GPD2: variants seen among roughly 807,000 people sequenced by gnomAD.
GPD2 encodes glycerol-3-phosphate dehydrogenase 2.
Under a neutral mutation model 82.4 loss-of-function variants are expected in GPD2, and 54 were observed. The observed-to-expected ratio is 0.66, with a 90% CI of 0.53 to 0.82. The LOEUF (loss-of-function observed/expected upper bound fraction) is 0.82, where lower values mean the gene tolerates loss of function less well. GPD2 is among the 40% of genes least tolerant of loss of function. The probability of loss-of-function intolerance (pLI) is 0.00; values close to 1 mark genes in which losing one functional copy is unlikely to be tolerated. For missense variants in GPD2, 748 were observed against 896.2 expected, an observed-to-expected ratio of 0.83 and a Z score of 2.11; for synonymous variants, 288 against 306.1, an observed-to-expected ratio of 0.94 and a Z score of 0.62.
the GPD2 span, among the ~76,000 whole-genome samples, chr2:156,420,380 C>T: frequency 1.3e-5 from 2 of 151,986 alleles, no homozygotes; most frequent in African/African-American, 2.4e-5. Context: ...ACTCTGTTAG[C>T]CAGGATGGTC....
At chr2:156,542,797 C>G (rs1025406982) in intron 6 of GPD2, among the ~76,000 whole-genome samples, 2 of 152,140 alleles carry the variant, frequency 1.3e-5, no homozygotes, top group Non-Finnish European at 2.9e-5. Flanking sequence ...CTGTAACTGC[C>G]TGTCCAAAAT....
At chr2:156,477,461 C>A (rs1341050611) in intron 2 of GPD2, among the ~76,000 whole-genome samples, 1 of 151,976 alleles carries the variant, frequency 6.6e-6, no homozygotes, top group Non-Finnish European at 1.5e-5. Flanking sequence ...TAAATAAAAT[C>A]ACATATTAGG....
chr2:156,539,763 A>T (rs1216625527), intron 6 of GPD2, among the ~76,000 whole-genome samples: 1 of 152,250 alleles, frequency 6.6e-6, no homozygotes, highest in African/African-American at 2.4e-5. Flanking sequence ...ACTGAAAAAA[A>T]TGGTTCTGTG....
intron 1 of GPD2, among the ~76,000 whole-genome samples, chr2:156,443,004 T>G (rs574958129): frequency 5.3e-5 from 8 of 152,134 alleles, no homozygotes; most frequent in Non-Finnish European, 1.2e-4. Context: ...GGTGCTGTCC[T>G]TATCTTCTCT....
intron 2 of GPD2, among the ~76,000 whole-genome samples, chr2:156,478,571 A>G (rs1367276865): frequency 6.6e-6 from 1 of 152,214 alleles, no homozygotes; most frequent in Non-Finnish European, 1.5e-5. Context: ...AGACATTGAC[A>G]TAAAATGACC....
At chr2:156,401,677 G>T in the GPD2 span, among the ~76,000 whole-genome samples, 1 of 152,154 alleles carries the variant, frequency 6.6e-6, no homozygotes. Flanking sequence ...TGGTAAATTG[G>T]AACTATGTGA....
chr2:156,439,524 A>C (rs1265114463), intron 1 of GPD2, among the ~76,000 whole-genome samples: 7 of 98,148 alleles, frequency 7.1e-5, no homozygotes, highest in African/African-American at 2.8e-4. Context: ...AAAAAAAAAA[A>C]AAAAAAAAAA....
Position 156,569,476 on chromosome 2 carries a change from G to A in GPD2, c.1414G>A (p.Gly472Ser), listed in dbSNP as rs372473707. 7 of 1,612,968 alleles carry A rather than the reference G, an allele frequency of 4.3e-6. No homozygotes were observed. The highest frequency in any genetic ancestry group is 2.2e-5 in the East Asian group (1 of 44,840). The change falls in exon 11 of 17, where the codon GGT (glycine) becomes AGT (serine). Residue 472 changes from glycine to serine, a missense_variant. By Grantham distance (56) the Gly-to-Ser change is moderately conservative. Coordinates refer to ENST00000438166, the MANE Select transcript of GPD2 (RefSeq NM_000408.5). Reference protein sequence around the residue: ...SRTVGLFLQGGKDWSPTLYIR... With the variant: ...SRTVGLFLQGSKDWSPTLYIR... ...AACAGTTGGGCTTTTCCTTCAAGGG[G>A]GTAAAGATTGGAGCCCCACACTCTA...
chr2:156,534,039 G>T (rs923885750), intron 6 of GPD2, among the ~76,000 whole-genome samples: 1 of 152,248 alleles, frequency 6.6e-6, no homozygotes, highest in African/African-American at 2.4e-5. Flanking sequence ...TATCCAGGAA[G>T]TATCAGGTCA....
At chr2:156,428,442 T>C in the GPD2 span, among the ~76,000 whole-genome samples, 1 of 152,232 alleles carries the variant, frequency 6.6e-6, no homozygotes, top group Non-Finnish European at 1.5e-5. Flanking sequence ...AAGAACACAA[T>C]AAAAATTGGC....
At chr2:156,430,888 T>C (rs1688309219), upstream of GPD2, among the ~76,000 whole-genome samples, 1 of 152,254 alleles carries the variant, frequency 6.6e-6, no homozygotes, top group Non-Finnish European at 1.5e-5. Context: ...AAGCTGCGTT[T>C]AAGATGTCTT....
chr2:156,444,177 T>C (rs1258364146), intron 1 of GPD2, among the ~76,000 whole-genome samples: 1 of 152,262 alleles, frequency 6.6e-6, no homozygotes, highest in Non-Finnish European at 1.5e-5. Context: ...TGTTTGCCTC[T>C]GGACCCTGGC....
intron 3 of GPD2, among the ~76,000 whole-genome samples, chr2:156,506,659 A>G (rs1288924327): frequency 6.6e-6 from 1 of 151,554 alleles, no homozygotes; most frequent in Non-Finnish European, 1.5e-5. Context: ...CTTCAATACC[A>G]TCTCTGCCTT....
At chr2:156,550,544 A>G in intron 7 of GPD2, 58 bp from the exon 8 acceptor site, 1 of 1,542,380 alleles carries the variant, frequency 6.5e-7, no homozygotes, top group African/African-American at 1.4e-5. Context: ...AGTAATACAC[A>G]GCATCCGTTA....
intron 2 of GPD2, among the ~76,000 whole-genome samples, chr2:156,480,959 T>C (rs2105211572): frequency 6.6e-6 from 1 of 151,608 alleles, no homozygotes; most frequent in South Asian, 2.1e-4. Context: ...TCCTAAGGTC[T>C]CTTTTTAATG....
chr2:156,508,183 A>C (rs1046142561), intron 3 of GPD2, among the ~76,000 whole-genome samples: 12 of 152,030 alleles, frequency 7.9e-5, no homozygotes, highest in Non-Finnish European at 1.8e-4. Context: ...CATAGTGGAC[A>C]GTGCTTTCTA....
At chr2:156,440,939 G>T (rs1573869483) in intron 1 of GPD2, among the ~76,000 whole-genome samples, 1 of 152,332 alleles carries the variant, frequency 6.6e-6, no homozygotes, top group East Asian at 1.9e-4. Flanking sequence ...TCAGGATGGA[G>T]ATGGGAGCTG....
intron 6 of GPD2, among the ~76,000 whole-genome samples, chr2:156,547,003 A>C (rs914879740): frequency 2.6e-5 from 4 of 152,244 alleles, no homozygotes; most frequent in African/African-American, 9.6e-5. Flanking sequence ...TAGAAAAAAA[A>C]CAAAGACAAA....
At chr2:156,574,857 A>C (rs1208483656) in intron 13 of GPD2, among the ~76,000 whole-genome samples, 2 of 152,240 alleles carry the variant, frequency 1.3e-5, no homozygotes, top group Non-Finnish European at 2.9e-5. Context: ...AATAAGACCT[A>C]ATCTAGATCA....
Sources: gnomAD v4.1 joint callset for allele counts (sites outside exome capture counted in the v4.1 genomes callset) on GRCh38, gnomAD v4.1.1 for gene constraint, MANE v1.5 for transcripts, NCBI Gene and HGNC (gene_info 2026-07-23, HGNC 2026-07-21) for gene names.